The following PAXIP1 variants were observed in gnomAD, a reference collection of about 807,000 sequenced individuals.
PAXIP1 encodes PAX interacting protein 1, also known as PAX-interacting protein 1.
PAXIP1 carries 19 observed loss-of-function variants against 140.6 expected under a neutral mutation model. That is an observed-to-expected ratio of 0.14 (90% CI 0.09 to 0.20). PAXIP1 has a LOEUF of 0.20. Ranked by LOEUF, PAXIP1 falls within the 10% of genes least tolerant of loss-of-function variation. The pLI is 1.00. For missense variants in PAXIP1, 920 were observed against 1,208.6 expected (o/e 0.76, Z 3.54); for synonymous variants, 442 against 444.6 (o/e 0.99, Z 0.07).
At position 154,963,449 on chromosome 7, in the gene PAXIP1, A is replaced by C. The variant is rs759456370; in HGVS notation, c.1989+222T>G. ...TCGGCCTCCTGTCCGCCCTTTCTTA[A>C]CACCACCTGGGAACATCCCTTTCTT... is the stretch of plus-strand genomic sequence containing the variant. On this transcript the variant is annotated intron_variant, in intron 9 of 20. Coordinates refer to ENST00000404141, the MANE Select transcript of PAXIP1 (RefSeq NM_007349.4). The surrounding 1 kb of genome is among the most constrained non-coding windows in gnomAD (Gnocchi z 4.1). 3.9e-4 allele frequency among the ~76,000 whole-genome samples: 60 copies of C among 152,078 alleles called. No individual in the cohort carries two copies. Among genetic ancestry groups the C allele is most frequent in the Admixed American group, 3.4e-3 (52 of 15,262 alleles).
chr7:154,988,064 C>T (rs1295143855), intron 4 of PAXIP1, among the ~76,000 whole-genome samples: 10 of 152,218 alleles, frequency 6.6e-5, no homozygotes, highest in Admixed American at 3.9e-4. Context: ...ATCCTGCTAC[C>T]TACTTTACCC....
intron 2 of PAXIP1, among the ~76,000 whole-genome samples, chr7:154,998,104 C>T (rs141312137): frequency 1.2e-3 from 188 of 152,298 alleles, no homozygotes; most frequent in Non-Finnish European, 1.9e-3. Context: ...GGATTACTTA[C>T]GACATACAGA....
chr7:154,945,291 T>C (rs886165892), intron 20 of PAXIP1: 2 of 161,928 alleles, frequency 1.2e-5, no homozygotes, highest in Admixed American at 1.3e-4. Context: ...AAATTTTACT[T>C]CTTAAAAGTG....
chr7:154,959,786 T>G (rs985744436), intron 13 of PAXIP1, 104 bp downstream of exon 13: 13 of 788,326 alleles, frequency 1.6e-5, no homozygotes, highest in Non-Finnish European at 2.6e-5. Context: ...CGTTATCATG[T>G]TGACAAGTTA....
chr7:154,962,634 A>C (rs1808804459), intron 9 of PAXIP1, 176 bp from the exon 10 acceptor site: 6 of 529,096 alleles, frequency 1.1e-5, no homozygotes, highest in Non-Finnish European at 1.3e-5. Context: ...GGTTACTTGA[A>C]ATACAACCTA....
chr7:154,967,108 C>A (rs1809060886), intron 8 of PAXIP1, among the ~76,000 whole-genome samples: 1 of 152,166 alleles, frequency 6.6e-6, no homozygotes, highest in Non-Finnish European at 1.5e-5. Flanking sequence ...CATTTGCCAC[C>A]CCACCTCTGC....
intron 6 of PAXIP1, among the ~76,000 whole-genome samples, chr7:154,974,868 T>A (rs1026850448): frequency 6.6e-6 from 1 of 151,844 alleles, no homozygotes. Context: ...TTTAAGGCCA[T>A]GCGTGGTGGC....
chr7:154,965,465 T>C (rs1808965143), intron 8 of PAXIP1: 1 of 152,218 alleles, frequency 6.6e-6, no homozygotes, highest in South Asian at 2.1e-4. Context: ...GTATCACCTA[T>C]ACTTAAGCAA....
intron 8 of PAXIP1, 63 bp downstream of exon 8, chr7:154,967,753 T>C: frequency 1.8e-6 from 2 of 1,111,714 alleles, no homozygotes; most frequent in Non-Finnish European, 1.4e-6. Flanking sequence ...TGAACACAGT[T>C]ACATCTACAT....
At chr7:154,960,714 A>G (rs1027323470) in intron 12 of PAXIP1, among the ~76,000 whole-genome samples, 179 bp downstream of exon 12, 2 of 151,972 alleles carry the variant, frequency 1.3e-5, no homozygotes, top group Admixed American at 1.3e-4. Context: ...CCAACCAACA[A>G]AAATCCTGGG....
At position 154,944,043 on chromosome 7, in the gene PAXIP1, A is replaced by C. The variant is rs1184579979; in HGVS notation, c.*106T>G. Reference sequence around the variant, plus strand: ...GCTTCACAGTCTGATCCCCCAGGAAAGCAGCTGGAAAACAAGAGCATGTGA... The same window carrying C: ...GCTTCACAGTCTGATCCCCCAGGAACGCAGCTGGAAAACAAGAGCATGTGA... On this transcript the variant is annotated 3_prime_UTR_variant, in exon 21 of 21. Coordinates refer to ENST00000404141, the MANE Select transcript of PAXIP1 (RefSeq NM_007349.4). 2.0e-6 allele frequency: 2 copies of C among 1,019,454 alleles called. No individual in the cohort carries two copies. Among genetic ancestry groups the C allele is most frequent in the Non-Finnish European group, 3.1e-6 (2 of 653,878 alleles). 63.2% of individuals were successfully genotyped at this position (1,019,454 alleles called of 1,614,324 possible). A position where few individuals can be genotyped will look rare whatever the true frequency, so the allele number is the denominator to read the frequency against.
chr7:154,945,416 A>T, intron 20 of PAXIP1: 2 of 407,592 alleles, frequency 4.9e-6, no homozygotes, highest in Non-Finnish European at 6.6e-6. Context: ...CAGTGTATTT[A>T]AATGTAAATA....
chr7:154,952,092 C>G (rs545199194), intron 16 of PAXIP1: 3 of 152,266 alleles, frequency 2.0e-5, no homozygotes, highest in East Asian at 1.9e-4. Flanking sequence ...CTACTATGTT[C>G]TTCTTCTGCC....
chr7:154,952,024 T>G (rs1808292115), intron 16 of PAXIP1: 1 of 152,250 alleles, frequency 6.6e-6, no homozygotes, highest in Non-Finnish European at 1.5e-5. Context: ...GACTATCTCC[T>G]TCTAAACTGT....
In PAXIP1 at chr7:154,976,081, C is replaced by T. The variant is rs758016631; in HGVS notation, c.689G>A (p.Gly230Asp). 1 of 1,580,526 alleles carries T rather than the reference C, an allele frequency of 6.3e-7. No homozygotes were observed. The highest frequency in any genetic ancestry group is 8.6e-7 in the Non-Finnish European group (1 of 1,161,500). Residue 230 changes from glycine to aspartate, a missense_variant, in exon 6 of 21, where the codon GGT becomes GAT. Coordinates refer to ENST00000404141, the MANE Select transcript of PAXIP1 (RefSeq NM_007349.4). Reference protein sequence around the residue: ...PASSQEGSPSGDQQFSPKSNT... With the variant: ...PASSQEGSPSDDQQFSPKSNT... ...GGATTTAGGTGAAAACTGCTGGTCA[C>T]CTGAAGGAGACCCTTCTTGAGAGCT... is the stretch of plus-strand genomic sequence containing the variant.
At position 154,961,031 on chromosome 7, in the gene PAXIP1, A is replaced by G. The variant is rs1388607180; in HGVS notation, c.2296T>C (p.Cys766Arg). Reference sequence around the variant, plus strand: ...TCGCCAAGCCACTGGGCGTTGACACAGGGTATCCTCCACTCTTTGGCTTTT... The same window carrying G: ...TCGCCAAGCCACTGGGCGTTGACACGGGGTATCCTCCACTCTTTGGCTTTT... ...YEKAKEWRIP[C>R]VNAQWLGDIL... is the part of the protein sequence containing the mutation. The change falls in exon 12 of 21, where the codon TGT becomes CGT. Residue 766 changes from cysteine to arginine, a missense_variant. Coordinates refer to ENST00000404141, the MANE Select transcript of PAXIP1 (RefSeq NM_007349.4). 1.2e-6 allele frequency: 2 copies of G among 1,600,184 alleles called. No individual in the cohort carries two copies. The highest frequency in any genetic ancestry group is 1.7e-6 in the Non-Finnish European group (2 of 1,172,836).
At chr7:154,994,345 T>C (rs1177478652) in intron 2 of PAXIP1, among the ~76,000 whole-genome samples, 1 of 152,214 alleles carries the variant, frequency 6.6e-6, no homozygotes, top group Non-Finnish European at 1.5e-5. Flanking sequence ...TTTATAATTA[T>C]ACAAATCATT....
chr7:154,947,960 A>G lies in PAXIP1; in HGVS notation c.2865T>C (p.Leu955=), dbSNP rs372436638. The G allele has an allele frequency of 4.3e-6, 7 of 1,613,558 alleles. No individual in the cohort carries two copies. Among genetic ancestry groups the G allele is most frequent in the Non-Finnish European group, 5.9e-6 (7 of 1,179,606 alleles). Residue 955 remains leucine (L), a synonymous_variant, in exon 17 of 21, where the codon CTT becomes CTC. Transcript: ENST00000404141. ...YILRDAEAEV[L]FSFSLEESLK... ...AGGATTCTTCCAAGCTGAAAGAGAA[A>G]AGTACTTCTGCCTCAGCATCTCGGA...
chr7:154,961,661 G>C lies in PAXIP1; in HGVS notation c.2128-13C>G. The C allele has an allele frequency of 6.4e-7, 1 of 1,571,874 alleles. No individual in the cohort carries two copies. The highest frequency in any genetic ancestry group is 8.6e-7 in the Non-Finnish European group (1 of 1,159,402). ...TCACAGAAATAATCTAAGAAAAAAAGAGAAAATAAGGTAAACACAAAATAA... is the reference window on the plus strand; with the variant it reads ...TCACAGAAATAATCTAAGAAAAAAACAGAAAATAAGGTAAACACAAAATAA... On this transcript the variant is annotated splice_polypyrimidine_tract_variant and intron_variant, in intron 10 of 20. Coordinates refer to ENST00000404141, the MANE Select transcript of PAXIP1 (RefSeq NM_007349.4).
Sources: allele counts gnomAD v4.1 joint callset (sites outside exome capture counted in the v4.1 genomes callset), GRCh38; gene constraint gnomAD v4.1.1; non-coding constraint Gnocchi (gnomAD v3.1); transcripts MANE v1.5; gene names NCBI Gene and HGNC (gene_info 2026-07-23, HGNC 2026-07-21).